Variants in SVEP1 observed in about 807,000 individuals in gnomAD.
SVEP1 encodes sushi, von Willebrand factor type A, EGF and pentraxin domain-containing protein 1.
In SVEP1, 164 loss-of-function variants were observed where a neutral mutation model predicts 367.3. That is an observed-to-expected ratio of 0.45 (90% CI 0.39 to 0.51). The LOEUF (loss-of-function observed/expected upper bound fraction) is 0.51, where lower values mean the gene tolerates loss of function less well. SVEP1 is among the 20% of genes least tolerant of loss of function. The pLI is 0.00. For synonymous variants in SVEP1, 1,666 were observed against 1,611.6 expected, an observed-to-expected ratio of 1.03 and a Z score of -0.81; for missense variants, 4,117 against 4,425.3, an observed-to-expected ratio of 0.93 and a Z score of 1.98.
At position 110,549,553 on chromosome 9, in the gene SVEP1, G is replaced by A. The variant is rs554530530; in HGVS notation, c.787+296C>T. 9.2e-5 allele frequency among the ~76,000 whole-genome samples: 14 copies of A among 152,208 alleles called. No homozygotes were observed. In the South Asian group the frequency reaches 2.9e-3, roughly 32 times the overall value. On this transcript the variant is annotated intron_variant, in intron 2 of 47. Transcript: ENST00000374469. Reference sequence around the variant, plus strand: ...AGTCAAGGCTTCCCACTCTGTGTGTGGCCTCAAAACACACCTAAATTCATT... The same window carrying A: ...AGTCAAGGCTTCCCACTCTGTGTGTAGCCTCAAAACACACCTAAATTCATT...
chr9:110,571,032 A>G (rs878883537), intron 1 of SVEP1, among the ~76,000 whole-genome samples: 1 of 141,942 alleles, frequency 7.0e-6, no homozygotes, highest in African/African-American at 2.6e-5. Context: ...GCTGGAGTTC[A>G]ATGACGCGAT....
At chr9:110,387,542 A>G (rs943109153) in intron 41 of SVEP1, 84 bp from the exon 42 acceptor site, 2 of 1,369,354 alleles carry the variant, frequency 1.5e-6, no homozygotes, top group South Asian at 1.5e-5. Flanking sequence ...AAGATATTTC[A>G]TGGAATATAT....
intron 36 of SVEP1, among the ~76,000 whole-genome samples, chr9:110,416,934 C>A (rs539834419): frequency 2.0e-5 from 3 of 152,068 alleles, no homozygotes; most frequent in Admixed American, 6.5e-5. Context: ...ATCTTCCCCC[C>A]AGTTGTGACA....
chr9:110,439,655 G>A (rs10980389), intron 27 of SVEP1, among the ~76,000 whole-genome samples: 25,879 of 151,730 alleles, frequency 0.17, 2,448 homozygotes, highest in African/African-American at 0.26. Flanking sequence ...TTGTCTCAGC[G>A]TCCCAAAGTG....
At chr9:110,375,063 T>C (rs1329281500) in intron 46 of SVEP1, among the ~76,000 whole-genome samples, 7 of 151,954 alleles carry the variant, frequency 4.6e-5, no homozygotes, top group Non-Finnish European at 2.9e-5. Context: ...TTAAAATAAG[T>C]ATTATTCTGA....
chr9:110,424,610 A>C (rs1380196450), intron 36 of SVEP1, among the ~76,000 whole-genome samples: 1 of 152,170 alleles, frequency 6.6e-6, no homozygotes, highest in Non-Finnish European at 1.5e-5. Context: ...TTTAACATGC[A>C]CTTTTATTTC....
At chr9:110,497,030 G>A in intron 7 of SVEP1, 97 bp from the exon 8 acceptor site, 1 of 735,470 alleles carries the variant, frequency 1.4e-6, no homozygotes, top group Admixed American at 2.9e-5. Flanking sequence ...AATACACTGT[G>A]ACACATTTGT....
At chr9:110,454,925 A>C (rs1443753909) in intron 22 of SVEP1, among the ~76,000 whole-genome samples, 1 of 152,234 alleles carries the variant, frequency 6.6e-6, no homozygotes, top group Non-Finnish European at 1.5e-5. Context: ...TCCATGTAAC[A>C]AACCTGCACT....
At chr9:110,466,512 A>G (rs1374179161) in intron 17 of SVEP1, among the ~76,000 whole-genome samples, 1 of 151,990 alleles carries the variant, frequency 6.6e-6, no homozygotes, top group Non-Finnish European at 1.5e-5. Flanking sequence ...TAATCCCAGC[A>G]CTTTGGGAGG....
chr9:110,388,962 CTATTTAAAAATAAAAATAAA>C (rs1827570960), intron 41 of SVEP1, among the ~76,000 whole-genome samples: 1 of 151,662 alleles, frequency 6.6e-6, no homozygotes, highest in Non-Finnish European at 1.5e-5. Flanking sequence ...GAGTGAGACT[CTATTTAAAAATAAAAATAAA>C]AATACATAAA....
At chr9:110,503,287 C>A in intron 5 of SVEP1, 70 bp from the exon 6 acceptor site, 1 of 1,460,490 alleles carries the variant, frequency 6.8e-7, no homozygotes, top group Non-Finnish European at 9.3e-7. Flanking sequence ...ACAAGTTTAG[C>A]AATGCCTGCA....
chr9:110,528,580 T>C (rs572425971), intron 3 of SVEP1, among the ~76,000 whole-genome samples: 1 of 152,172 alleles, frequency 6.6e-6, no homozygotes, highest in African/African-American at 2.4e-5. Flanking sequence ...ATTTTTCATA[T>C]GTTTGTTGGC....
chr9:110,446,100 G>C, intron 25 of SVEP1, 62 bp from the exon 26 acceptor site: 1 of 1,463,912 alleles, frequency 6.8e-7, no homozygotes, highest in South Asian at 1.2e-5. Context: ...AATTGTCAGA[G>C]GAAGCAGTGC....
chr9:110,481,397 T>G lies in SVEP1; in HGVS notation c.2210A>C (p.Asp737Ala), dbSNP rs200602114. Residue 737 changes from aspartate (D) to alanine (A), a missense_variant, in exon 12 of 48, where the codon GAT becomes GCT. Physicochemically the swap from Asp to Ala is moderately radical, Grantham distance 126 (BLOSUM62 -2). Around this residue, in one of 4 missense-constraint regions of SVEP1, gnomAD observed 2,174 missense variants for 2,494.3 expected, o/e 0.87. Transcript: ENST00000374469. ...AGTATTATCTGGAGTGCATATAAAA[T>G]CCCCATTTACAGGTGTGAATGGAAT... The part of the protein sequence containing the change: ...CEIPFTPVNG[D>A]FICTPDNTGV... The G allele has an allele frequency of 1.9e-3, 3,007 of 1,602,580 alleles. 5 individuals are homozygous for G. The highest frequency in any genetic ancestry group is 2.3e-3 in the Non-Finnish European group (2,726 of 1,174,512).
intron 20 of SVEP1, 98 bp from the exon 21 acceptor site, chr9:110,457,450 T>TCC: frequency 1.1e-6 from 1 of 881,886 alleles, no homozygotes; most frequent in South Asian, 1.6e-5. Flanking sequence ...GACAGCTCGT[T>TCC]CCTCCTGTTT....
At position 110,366,425 on chromosome 9, in the gene SVEP1, A is replaced by T; in HGVS notation, c.*114T>A. On this transcript the variant is annotated 3_prime_UTR_variant, in exon 48 of 48. Coordinates refer to ENST00000374469, the MANE Select transcript of SVEP1 (RefSeq NM_153366.4). The stretch of plus-strand genomic sequence containing the variant: ...AAAAGTAACCCCAAGTAACAAGTTT[A>T]CTAAACAAGACCCAGCACCATGTTG... 9.4e-7 allele frequency: 1 copy of T among 1,059,128 alleles called. No individual in the cohort carries two copies. The highest frequency in any genetic ancestry group is 1.3e-6 in the Non-Finnish European group (1 of 786,732). The allele number at this position is 1,059,128 out of a possible 1,614,324, so 65.6% of individuals were successfully genotyped here.
chr9:110,507,586 T>C (rs1044764564), intron 5 of SVEP1, among the ~76,000 whole-genome samples: 1 of 152,174 alleles, frequency 6.6e-6, no homozygotes, highest in African/African-American at 2.4e-5. Flanking sequence ...TGGACCAAAG[T>C]CAAGTATTAA....
intron 40 of SVEP1, among the ~76,000 whole-genome samples, chr9:110,397,047 G>C (rs145327269): frequency 2.6e-5 from 4 of 151,128 alleles, no homozygotes; most frequent in African/African-American, 9.7e-5. Flanking sequence ...CCAAAAAAGA[G>C]AATTTTAGAT....
chr9:110,399,773 A>T (rs1322020835), intron 40 of SVEP1, among the ~76,000 whole-genome samples: 1 of 152,140 alleles, frequency 6.6e-6, no homozygotes, highest in African/African-American at 2.4e-5. Flanking sequence ...AGCTCAAGTG[A>T]TCCACCCTCC....
Sources: allele counts gnomAD v4.1 joint callset (sites outside exome capture counted in the v4.1 genomes callset), GRCh38; gene constraint gnomAD v4.1.1; regional missense constraint gnomAD v4.1.1; transcripts MANE v1.5; gene names NCBI Gene and HGNC (gene_info 2026-07-23, HGNC 2026-07-21).